POLH: variants seen among roughly 807,000 people sequenced by gnomAD.
The protein encoded by POLH is DNA polymerase eta transcript.
In POLH, 53 loss-of-function variants were observed where a neutral mutation model predicts 73.6. The observed-to-expected ratio is 0.72, with a 90% CI of 0.58 to 0.91. The LOEUF (loss-of-function observed/expected upper bound fraction) is 0.91. POLH is among the 40% of genes least tolerant of loss of function. The pLI, the probability that POLH is intolerant of heterozygous loss-of-function variation, is 0.00. For missense variants in POLH, 768 were observed against 865.4 expected, an observed-to-expected ratio of 0.89 and a Z score of 1.41; for synonymous variants, 292 against 308.5, an observed-to-expected ratio of 0.95 and a Z score of 0.56.
At chr6:43,588,843 T>G (rs1765125980) in intron 4 of POLH, 1 of 144,424 alleles carries the variant, frequency 6.9e-6, no homozygotes. Flanking sequence ...ATTCTTTTTC[T>G]TTTTTTTTTT....
chr6:43,618,196 G>A lies in POLH; in HGVS notation c.*3639G>A, dbSNP rs1307363657. On this transcript the variant is annotated 3_prime_UTR_variant, in exon 11 of 11. Coordinates refer to ENST00000372236, the MANE Select transcript of POLH (RefSeq NM_006502.3). ...TTTTGAGATGGAGTCTCGCTGTGTA[G>A]CCAGGCTGGAGTGCAGTGGTGCAAT... Among the ~76,000 whole-genome samples, 1 of 151,922 alleles carries A rather than the reference G, an allele frequency of 6.6e-6. No homozygotes were observed. The highest frequency in any genetic ancestry group is 1.5e-5 in the Non-Finnish European group (1 of 67,996).
intron 3 of POLH, among the ~76,000 whole-genome samples, chr6:43,583,414 C>T (rs977550654): frequency 2.0e-5 from 3 of 152,126 alleles, no homozygotes; most frequent in African/African-American, 7.2e-5. Flanking sequence ...GACTTAATAC[C>T]AATTCCCATG....
rs191478775 is a variant in POLH, at chr6:43,620,335, T to C, written c.*5778T>C. The C allele has an allele frequency of 6.5e-5, 33 of 511,152 alleles. No individual in the cohort carries two copies. The highest frequency in any genetic ancestry group is 5.7e-4 in the Admixed American group (28 of 48,778). The allele number at this position is 511,152 out of a possible 1,614,324, so 31.7% of individuals were successfully genotyped here. On this transcript the variant is annotated 3_prime_UTR_variant, in exon 11 of 11. Coordinates refer to ENST00000372236, the MANE Select transcript of POLH (RefSeq NM_006502.3). ...GGTTACAATACTGGAACTCTGAACCTATGTGGAGGAGAGAAAAACAATGGT... is the reference window on the plus strand; with the variant it reads ...GGTTACAATACTGGAACTCTGAACCCATGTGGAGGAGAGAAAAACAATGGT...
chr6:43,615,974 C>G lies in POLH; in HGVS notation c.*1417C>G, dbSNP rs1313606577. 2.0e-5 allele frequency among the ~76,000 whole-genome samples: 3 copies of G among 152,024 alleles called. No individual in the cohort carries two copies. The highest frequency in any genetic ancestry group is 3.9e-4 in the East Asian group (2 of 5,128). ...GATGTTAGCCACCGATCCTGGCCCC[C>G]CCAAAAAAAGGATTTTAAGAAAAAC... is the stretch of plus-strand genomic sequence containing the variant. On this transcript the variant is annotated 3_prime_UTR_variant, in exon 11 of 11. Coordinates refer to ENST00000372236, the MANE Select transcript of POLH (RefSeq NM_006502.3).
intron 4 of POLH, among the ~76,000 whole-genome samples, chr6:43,597,407 G>A (rs1010816327): frequency 2.0e-5 from 3 of 152,188 alleles, no homozygotes; most frequent in Admixed American, 6.5e-5. Flanking sequence ...GAGCCACCGT[G>A]CCTGGCCAAA....
In POLH at chr6:43,620,478, G is replaced by A. The variant is rs886134642; in HGVS notation, c.*5921G>A. The A allele has an allele frequency of 1.5e-5, 5 of 339,996 alleles. No individual in the cohort carries two copies. The highest frequency in any genetic ancestry group is 6.6e-5 in the African/African-American group (3 of 45,772). 21.1% of individuals were successfully genotyped at this position (339,996 alleles called of 1,614,324 possible). On this transcript the variant is annotated 3_prime_UTR_variant, in exon 11 of 11. Transcript: ENST00000372236. ...GAAGGAAGCTGAGCCTGTAGCTAAC[G>A]CATAAGCACAGTGTATTCAATAAAA...
chr6:43,582,469 G>A lies in POLH; in HGVS notation c.137+13G>A, dbSNP rs1423429423. On this transcript the variant is annotated intron_variant, in intron 2 of 10. Transcript: ENST00000372236. ...GGAAGGGTGGTGGGTATGTATCATT[G>A]TTATTGTCACAACTATTCAATGGTA... The A allele has an allele frequency of 9.3e-6, 15 of 1,612,446 alleles. No individual in the cohort carries two copies. The highest frequency in any genetic ancestry group is 2.7e-5 in the African/African-American group (2 of 74,884).
rs1337586468 is a variant in POLH, at chr6:43,576,214, G to C, written c.-231G>C. On this transcript the variant is annotated 5_prime_UTR_variant, in exon 1 of 11. Coordinates refer to ENST00000372236, the MANE Select transcript of POLH (RefSeq NM_006502.3). ...TGGCGGCTGCATTGCTGGGCGCGCC[G>C]CTCTCGTCTGATCCCTGCTGGGGAC... 1 of 208,586 alleles carries C rather than the reference G, an allele frequency of 4.8e-6. No individual in the cohort carries two copies. Among genetic ancestry groups the C allele is most frequent in the Non-Finnish European group, 9.5e-6 (1 of 105,454 alleles). The allele number at this position is 208,586 out of a possible 1,614,324, so 12.9% of individuals were successfully genotyped here.
intron 4 of POLH, chr6:43,590,925 CAAAAAAA>C (rs1404365150): frequency 1.6e-5 from 1 of 61,808 alleles, no homozygotes; most frequent in African/African-American, 5.0e-5. Context: ...GACTCTGTCT[CAAAAAAA>C]AAAAAGAAAA....
chr6:43,617,166 C>A lies in POLH; in HGVS notation c.*2609C>A, dbSNP rs1470872085. 1.3e-5 allele frequency among the ~76,000 whole-genome samples: 2 copies of A among 151,592 alleles called. No individual in the cohort carries two copies. Among genetic ancestry groups the A allele is most frequent in the Admixed American group, 6.6e-5 (1 of 15,194 alleles). On this transcript the variant is annotated 3_prime_UTR_variant, in exon 11 of 11. Coordinates refer to ENST00000372236, the MANE Select transcript of POLH (RefSeq NM_006502.3). ...GATTTCCACTGCATTCCAGCCTGGG[C>A]GATAGAGTAACTCTGTCTCAAAAAA... is the stretch of plus-strand genomic sequence containing the variant.
chr6:43,601,263 T>C (rs1766702675), intron 6 of POLH, among the ~76,000 whole-genome samples, 172 bp downstream of exon 6: 1 of 151,756 alleles, frequency 6.6e-6, no homozygotes, highest in South Asian at 2.1e-4. Flanking sequence ...CTTTTATTTT[T>C]ATTTATTTAT....
intron 1 of POLH, among the ~76,000 whole-genome samples, chr6:43,578,968 T>G (rs1245857395): frequency 2.0e-5 from 3 of 152,214 alleles, no homozygotes; most frequent in Non-Finnish European, 4.4e-5. Context: ...AGGATAAGTA[T>G]TTTTAAAGCT....
intron 1 of POLH, among the ~76,000 whole-genome samples, chr6:43,580,528 C>T (rs1763954776): frequency 1.1e-4 from 15 of 141,694 alleles, no homozygotes; most frequent in Admixed American, 2.8e-4. Context: ...GGCGGCTGGC[C>T]GGGCGGGGGG....
intron 4 of POLH, among the ~76,000 whole-genome samples, chr6:43,592,888 A>AT (rs1316661635): frequency 6.6e-6 from 1 of 151,840 alleles, no homozygotes; most frequent in Non-Finnish European, 1.5e-5. Context: ...TTTCTTTATT[A>AT]TTTTAAAACA....
rs1032452799 is a variant in POLH at position 43,616,027 on chromosome 6, G to A, written c.*1470G>A. On this transcript the variant is annotated 3_prime_UTR_variant, in exon 11 of 11. Coordinates refer to ENST00000372236, the MANE Select transcript of POLH (RefSeq NM_006502.3). ...CTCTTGGCCGGGCGCAGTGGCTCAC[G>A]CCTGCAATCCCAGCACTTTGGGAGG... Among the ~76,000 whole-genome samples, 11 of 152,066 alleles carry A rather than the reference G, an allele frequency of 7.2e-5. No individual in the cohort carries two copies. Among genetic ancestry groups the A allele is most frequent in the African/African-American group, 2.4e-4 (10 of 41,442 alleles).
chr6:43,603,864 A>G (rs1248675019), intron 6 of POLH, 28 bp from the exon 7 acceptor site: 2 of 1,611,954 alleles, frequency 1.2e-6, no homozygotes, highest in Admixed American at 1.7e-5. Context: ...GATGTGACCT[A>G]TCAATTCTTT....
At chr6:43,602,995 CT>C (rs59306548) in intron 6 of POLH, among the ~76,000 whole-genome samples, 4,248 of 114,006 alleles carry the variant, frequency 0.037, 49 homozygotes, top group African/African-American at 0.094. Context: ...TTATGTATTC[CT>C]TTTTTTTTTT....
At position 43,613,965 on chromosome 6, in the gene POLH, C is replaced by T. The variant is rs1768152755; in HGVS notation, c.1550C>T (p.Ser517Leu). The T allele has an allele frequency of 6.2e-7, 1 of 1,614,108 alleles. No individual in the cohort carries two copies. The highest frequency in any genetic ancestry group is 1.1e-5 in the South Asian group (1 of 91,088). The change falls in exon 11 of 11, where the codon TCA (serine) becomes TTA (leucine). Residue 517 changes from serine to leucine, a missense_variant. Coordinates refer to ENST00000372236, the MANE Select transcript of POLH (RefSeq NM_006502.3). ...ATGAGCAATTCACCATCCAAGCCCT[C>T]ATTACCTTTTCAAACCAGTCAAAGT... ...APMSNSPSKP[S>L]LPFQTSQSTG...
intron 6 of POLH, among the ~76,000 whole-genome samples, chr6:43,602,897 G>T (rs1209311249): frequency 6.6e-6 from 1 of 151,760 alleles, no homozygotes; most frequent in Admixed American, 6.6e-5. Context: ...CAAACTCCTG[G>T]CCTCCAATGA....
Sources: allele counts gnomAD v4.1 joint callset (sites outside exome capture counted in the v4.1 genomes callset), GRCh38; gene constraint gnomAD v4.1.1; transcripts MANE v1.5; gene names NCBI Gene and HGNC (gene_info 2026-07-23, HGNC 2026-07-21).